EPB41L4A: variants seen among roughly 807,000 people sequenced by gnomAD.
The protein encoded by EPB41L4A is band 4.1-like protein 4A.
Under a neutral mutation model 108.6 loss-of-function variants are expected in EPB41L4A, and 100 were observed. The observed-to-expected ratio is 0.92, with a 90% CI of 0.78 to 1.09. The LOEUF is 1.09. Ranked by LOEUF, EPB41L4A falls within the 50% of genes least tolerant of loss-of-function variation. The pLI is 0.00. For synonymous variants in EPB41L4A, 319 were observed against 289.0 expected, an observed-to-expected ratio of 1.10 and a Z score of -1.05; for missense variants, 1,030 against 842.7, an observed-to-expected ratio of 1.22 and a Z score of -2.75.
At chr5:112,175,841 G>T (rs1760833758) in intron 18 of EPB41L4A, among the ~76,000 whole-genome samples, 1 of 152,076 alleles carries the variant, frequency 6.6e-6, no homozygotes, top group South Asian at 2.1e-4. Flanking sequence ...ATGTTGCCCA[G>T]GCTGGTCTTG....
Position 112,419,064 on chromosome 5 carries a change from G to C in EPB41L4A, c.-25C>G. The C allele has an allele frequency of 6.3e-7, 1 of 1,588,986 alleles. No homozygotes were observed. Among genetic ancestry groups the C allele is most frequent in the Non-Finnish European group, 8.6e-7 (1 of 1,158,536 alleles). On this transcript the variant is annotated 5_prime_UTR_variant, in exon 1 of 23. Transcript: ENST00000261486. ...TGTCGGTTGTGGTCGTCTCCAGCCAGGAGAGAAAGCTACCACCGAGGCGCC... is the reference window on the plus strand; with the variant it reads ...TGTCGGTTGTGGTCGTCTCCAGCCACGAGAGAAAGCTACCACCGAGGCGCC...
At chr5:112,387,767 TAA>T (rs1760661694) in intron 1 of EPB41L4A, among the ~76,000 whole-genome samples, 1 of 152,212 alleles carries the variant, frequency 6.6e-6, no homozygotes, top group African/African-American at 2.4e-5. Context: ...ACATTATCTG[TAA>T]AAGAGATTGT....
At chr5:112,204,237 T>C (rs1017596160) in intron 15 of EPB41L4A, 138 bp downstream of exon 15, 17 of 573,148 alleles carry the variant, frequency 3.0e-5, no homozygotes, top group Non-Finnish European at 5.1e-5. Context: ...TAACTTATTT[T>C]ATGTCAAAAA....
Position 112,184,148 on chromosome 5 carries a change from C to T in EPB41L4A, c.1503-13G>A, listed in dbSNP as rs371450179. ...CTCCTGCCGTATTCTGAAAGGAAAG[C>T]CATGCATCTGAAGTTAACATCTACA... On this transcript the variant is annotated splice_polypyrimidine_tract_variant and intron_variant, in intron 17 of 22. Coordinates refer to ENST00000261486, the MANE Select transcript of EPB41L4A (RefSeq NM_022140.5). 1.2e-6 allele frequency: 2 copies of T among 1,613,478 alleles called. No homozygotes were observed. The highest frequency in any genetic ancestry group is 2.7e-5 in the African/African-American group (2 of 74,894).
intron 1 of EPB41L4A, among the ~76,000 whole-genome samples, chr5:112,347,009 C>A (rs1458758745): frequency 6.6e-6 from 1 of 152,192 alleles, no homozygotes; most frequent in African/African-American, 2.4e-5. Flanking sequence ...AGCTGTATAT[C>A]TGACCCTAAA....
At chr5:112,293,299 G>GATTA (rs1348114055) in intron 2 of EPB41L4A, among the ~76,000 whole-genome samples, 1 of 151,104 alleles carries the variant, frequency 6.6e-6, no homozygotes, top group Non-Finnish European at 1.5e-5. Context: ...CTGCTGCACT[G>GATTA]ATTAATTTTG....
At chr5:112,353,886 G>A (rs1170283026) in intron 1 of EPB41L4A, among the ~76,000 whole-genome samples, 1 of 152,136 alleles carries the variant, frequency 6.6e-6, no homozygotes, top group Non-Finnish European at 1.5e-5. Context: ...TTGTGTTTGG[G>A]CACTCGGAGA....
intron 18 of EPB41L4A, among the ~76,000 whole-genome samples, chr5:112,173,984 T>TA (rs2150211261): frequency 6.6e-6 from 1 of 152,316 alleles, no homozygotes; most frequent in African/African-American, 2.4e-5. Flanking sequence ...TCAGACCTTC[T>TA]AGCCATTAAC....
Position 112,204,507 on chromosome 5 carries a change from G to A in EPB41L4A, c.1263-19C>T. 1 of 1,533,328 alleles carries A rather than the reference G, an allele frequency of 6.5e-7. No individual in the cohort carries two copies. Among genetic ancestry groups the A allele is most frequent in the Non-Finnish European group, 9.0e-7 (1 of 1,106,748 alleles). 95.0% of individuals were successfully genotyped at this position (1,533,328 alleles called of 1,614,324 possible). On this transcript the variant is annotated intron_variant, in intron 14 of 22. Transcript: ENST00000261486. The stretch of plus-strand genomic sequence containing the variant: ...GAGTCCACTGGAGAGAAAGAAAAAT[G>A]GTCAAAAAGAGCCCAGAGAGTTCCT...
intron 2 of EPB41L4A, among the ~76,000 whole-genome samples, chr5:112,287,859 G>A (rs991619414): frequency 6.6e-6 from 1 of 152,170 alleles, no homozygotes; most frequent in Non-Finnish European, 1.5e-5. Context: ...AGGTTTCCAG[G>A]TAAACTGTTG....
chr5:112,390,601 C>T (rs1022043891), intron 1 of EPB41L4A, among the ~76,000 whole-genome samples: 2 of 152,218 alleles, frequency 1.3e-5, no homozygotes, highest in Non-Finnish European at 2.9e-5. Flanking sequence ...ACTCTGTAGA[C>T]TCCACCTCTG....
At chr5:112,380,646 A>G (rs1310618733) in intron 1 of EPB41L4A, among the ~76,000 whole-genome samples, 2 of 152,176 alleles carry the variant, frequency 1.3e-5, no homozygotes. Flanking sequence ...TTTTTAATGT[A>G]TACTCTTCCA....
chr5:112,304,962 T>G (rs577153507), intron 2 of EPB41L4A, among the ~76,000 whole-genome samples: 2 of 152,272 alleles, frequency 1.3e-5, no homozygotes, highest in East Asian at 3.9e-4. Context: ...AATCCATTTA[T>G]AGTAACTTCT....
At chr5:112,278,540 C>G (rs756219056) in intron 3 of EPB41L4A, among the ~76,000 whole-genome samples, 4 of 151,922 alleles carry the variant, frequency 2.6e-5, no homozygotes, top group Non-Finnish European at 5.9e-5. Context: ...GCATAAGACA[C>G]CACGAGTCTT....
chr5:112,387,307 T>C (rs1378898998), intron 1 of EPB41L4A, among the ~76,000 whole-genome samples: 3 of 152,092 alleles, frequency 2.0e-5, no homozygotes, highest in Admixed American at 6.5e-5. Context: ...TAAGTATCTA[T>C]AAGGTAAAGA....
intron 1 of EPB41L4A, among the ~76,000 whole-genome samples, chr5:112,368,007 T>C (rs1472908996): frequency 6.6e-6 from 1 of 152,196 alleles, no homozygotes; most frequent in Non-Finnish European, 1.5e-5. Flanking sequence ...AAGAAGGTGA[T>C]CAACAATTGT....
intron 4 of EPB41L4A, among the ~76,000 whole-genome samples, chr5:112,268,805 TGC>T (rs1752049522): frequency 1.6e-5 from 2 of 125,882 alleles, no homozygotes; most frequent in Non-Finnish European, 3.1e-5. Flanking sequence ...ACTGCACCAC[TGC>T]ACTCCAGCCT....
intron 1 of EPB41L4A, among the ~76,000 whole-genome samples, chr5:112,413,648 C>T (rs116299794): frequency 0.017 from 2,607 of 152,276 alleles, 59 homozygotes; most frequent in African/African-American, 0.059. Flanking sequence ...CACCTACCTC[C>T]GCTTGGTCAG....
chr5:112,195,789 T>G (rs996088941), intron 15 of EPB41L4A, 81 bp from the exon 16 acceptor site: 30 of 1,214,182 alleles, frequency 2.5e-5, no homozygotes, highest in Non-Finnish European at 3.4e-5. Flanking sequence ...GAGTTTCACT[T>G]CAGTTAACAC....
Sources: gnomAD v4.1 joint callset for allele counts (sites outside exome capture counted in the v4.1 genomes callset) on GRCh38, gnomAD v4.1.1 for gene constraint, MANE v1.5 for transcripts, NCBI Gene and HGNC (gene_info 2026-07-23, HGNC 2026-07-21) for gene names.